SVOPL: variants seen among roughly 807,000 people sequenced by gnomAD.
SVOPL encodes SVOP like, also known as putative transporter SVOPL.
Under a neutral mutation model 61.0 loss-of-function variants are expected in SVOPL, and 60 were observed. The observed-to-expected ratio is 0.98, with a 90% CI of 0.80 to 1.22. The LOEUF (loss-of-function observed/expected upper bound fraction) is 1.22. Among genes scored for constraint, SVOPL ranks in the 50% most tolerant of loss-of-function variants. The pLI is 0.00. For synonymous variants in SVOPL, 279 were observed against 250.0 expected (o/e 1.12, Z -1.09); for missense variants, 662 against 643.9 (o/e 1.03, Z -0.30).
intron 4 of SVOPL, among the ~76,000 whole-genome samples, chr7:138,669,382 C>T (rs1043119129): frequency 1.3e-5 from 2 of 151,936 alleles, no homozygotes; most frequent in East Asian, 1.9e-4. Flanking sequence ...CACTCCAGCC[C>T]GGGCAAAAGA....
rs545653554 is a variant in SVOPL at position 138,631,154 on chromosome 7, C to T, written c.790-1032G>A. Among the ~76,000 whole-genome samples, 3 of 152,134 alleles carry T rather than the reference C, an allele frequency of 2.0e-5. No individual in the cohort carries two copies. The South Asian group carries it at 6.2e-4, about 32-fold the overall frequency. ...TCCTAGATTTTGTTGTCACAGAAAG[C>T]TAGAGTTTGAAGGGAACTTAGAGGT... On this transcript the variant is annotated intron_variant, in intron 9 of 15. Transcript: ENST00000674285.
At chr7:138,640,394 G>A (rs1002117908) in intron 9 of SVOPL, among the ~76,000 whole-genome samples, 1 of 151,980 alleles carries the variant, frequency 6.6e-6, no homozygotes, top group East Asian at 1.9e-4. Flanking sequence ...ACCATGCCTG[G>A]CTAATTTTAT....
intron 14 of SVOPL, among the ~76,000 whole-genome samples, chr7:138,609,446 G>A (rs1033687682): frequency 2.9e-5 from 4 of 138,978 alleles, no homozygotes; most frequent in Non-Finnish European, 4.5e-5. Context: ...AGGAGTTCAA[G>A]CCCAGCCTCC....
At chr7:138,623,355 C>T (rs571284303) in intron 13 of SVOPL, among the ~76,000 whole-genome samples, 1 of 152,220 alleles carries the variant, frequency 6.6e-6, no homozygotes, top group Admixed American at 6.5e-5. Flanking sequence ...AATCCGAGCA[C>T]TTTGGGAGGC....
chr7:138,641,257 T>G (rs1408176859), intron 9 of SVOPL, among the ~76,000 whole-genome samples: 1 of 145,974 alleles, frequency 6.9e-6, no homozygotes, highest in Non-Finnish European at 1.5e-5. Context: ...TTAAATTCAG[T>G]TTAGACAACT....
intron 7 of SVOPL, among the ~76,000 whole-genome samples, chr7:138,655,797 G>A (rs1187968930): frequency 1.3e-5 from 2 of 151,748 alleles, no homozygotes; most frequent in Non-Finnish European, 2.9e-5. Flanking sequence ...AGCAACAAAA[G>A]TGATTTCTTG....
rs115509159 is a variant in SVOPL at position 138,672,105 on chromosome 7, T to C, written c.187A>G (p.Met63Val). Reference sequence around the variant, plus strand: ...ACAACAGCTATCAACATGATCTCCATGGCCTCAACCACCTTAAAGAAGAGG... The same window carrying C: ...ACAACAGCTATCAACATGATCTCCACGGCCTCAACCACCTTAAAGAAGAGG... ...IMGSTGVVEA[M>V]EIMLIAVVSP... The change falls in exon 4 of 16, where the codon ATG becomes GTG. Residue 63 changes from methionine to valine, a missense_variant. Physicochemically the swap from Met to Val is conservative, Grantham distance 21 (BLOSUM62 1). Coordinates refer to ENST00000674285, the MANE Select transcript of SVOPL (RefSeq NM_001139456.2). The C allele has an allele frequency of 9.7e-6, 15 of 1,551,614 alleles. No individual in the cohort carries two copies. The Admixed American group carries it at 1.2e-4, about 12-fold the overall frequency.
intron 8 of SVOPL, among the ~76,000 whole-genome samples, chr7:138,645,055 C>G (rs1584825542): frequency 6.6e-6 from 1 of 152,272 alleles, no homozygotes; most frequent in East Asian, 1.9e-4. Flanking sequence ...TAGTCCCTTC[C>G]AGGATGACGG....
intron 1 of SVOPL, among the ~76,000 whole-genome samples, chr7:138,688,711 G>T (rs991656798): frequency 1.3e-5 from 2 of 152,160 alleles, no homozygotes; most frequent in Admixed American, 1.3e-4. Flanking sequence ...GAATCATGTA[G>T]CCCCTGTAGA....
At chr7:138,655,221 C>T (rs1409346272) in intron 7 of SVOPL, among the ~76,000 whole-genome samples, 1 of 151,898 alleles carries the variant, frequency 6.6e-6, no homozygotes, top group Non-Finnish European at 1.5e-5. Flanking sequence ...AAATCAGAGC[C>T]AGCTGGGCAC....
chr7:138,691,545 C>T (rs1053401587), intron 1 of SVOPL, among the ~76,000 whole-genome samples: 2 of 152,076 alleles, frequency 1.3e-5, no homozygotes, highest in African/African-American at 4.8e-5. Flanking sequence ...TTGTTGCTGT[C>T]GTTGTTGTTT....
intron 9 of SVOPL, among the ~76,000 whole-genome samples, chr7:138,639,328 A>G (rs940470432): frequency 6.6e-6 from 1 of 151,504 alleles, no homozygotes; most frequent in African/African-American, 2.4e-5. Context: ...GGTCCAACTC[A>G]TTATTAAAAG....
rs1456305576 is a variant in SVOPL at position 138,621,135 on chromosome 7, C to T, written c.1264G>A (p.Val422Ile). ...AAAGCGCGCATCGTGGTGGGGTAGA[C>T]CTGCAGGGAGAGGCACGGAAAGTAC... Reference protein sequence around the residue: ...FNTVYIYTAEVYPTTMRALGM... With the variant: ...FNTVYIYTAEIYPTTMRALGM... Residue 422 changes from valine (V) to isoleucine (I), a missense_variant and splice_region_variant, in exon 14 of 16, where the codon GTC (valine) becomes ATC (isoleucine). By Grantham distance (29) the Val-to-Ile change is conservative. Coordinates refer to ENST00000674285, the MANE Select transcript of SVOPL (RefSeq NM_001139456.2). The T allele has an allele frequency of 6.2e-7, 1 of 1,612,320 alleles. No individual in the cohort carries two copies. The highest frequency in any genetic ancestry group is 1.3e-5 in the African/African-American group (1 of 74,974).
intron 9 of SVOPL, among the ~76,000 whole-genome samples, chr7:138,630,745 C>T (rs1488672372): frequency 1.3e-5 from 2 of 152,068 alleles, no homozygotes; most frequent in African/African-American, 2.4e-5. Flanking sequence ...GAGCTTGAGA[C>T]CAGCCTGACC....
chr7:138,671,238 C>T (rs929965554), intron 4 of SVOPL, among the ~76,000 whole-genome samples: 1 of 152,146 alleles, frequency 6.6e-6, no homozygotes, highest in Non-Finnish European at 1.5e-5. Flanking sequence ...ATTTAAACAA[C>T]GTGATACTGC....
At chr7:138,632,488 AT>A (rs1800254247) in intron 9 of SVOPL, among the ~76,000 whole-genome samples, 1 of 152,036 alleles carries the variant, frequency 6.6e-6, no homozygotes, top group African/African-American at 2.4e-5. Context: ...GGCATGATGG[AT>A]GGGGGCCGCA....
chr7:138,620,690 C>A (rs992417247), intron 14 of SVOPL, among the ~76,000 whole-genome samples: 4 of 152,134 alleles, frequency 2.6e-5, no homozygotes, highest in Non-Finnish European at 5.9e-5. Flanking sequence ...ACAGTTGCCA[C>A]CTGGACAACT....
chr7:138,664,640 C>A (rs914536956), intron 4 of SVOPL, among the ~76,000 whole-genome samples: 2 of 150,808 alleles, frequency 1.3e-5, no homozygotes, highest in Admixed American at 6.6e-5. Context: ...TCTCCAGCAC[C>A]CCCGATCCTC....
intron 15 of SVOPL, 57 bp downstream of exon 15, chr7:138,596,360 T>C: frequency 1.3e-6 from 2 of 1,505,216 alleles, no homozygotes; most frequent in African/African-American, 1.4e-5. Flanking sequence ...ACCAAGTTCA[T>C]TTGCTCTGGG....
Sources: gnomAD v4.1 joint callset for allele counts (sites outside exome capture counted in the v4.1 genomes callset) on GRCh38, gnomAD v4.1.1 for gene constraint, MANE v1.5 for transcripts, NCBI Gene and HGNC (gene_info 2026-07-23, HGNC 2026-07-21) for gene names.